Variants in EDA observed in about 807,000 individuals in gnomAD.
EDA encodes the protein ectodysplasin A, also known as ectodysplasin-A.
A neutral mutation model predicts 23.6 loss-of-function variants in EDA; 2 were observed. The ratio of observed to expected loss-of-function variants is 0.08; its 90% CI spans 0.03 to 0.27. The LOEUF (loss-of-function observed/expected upper bound fraction) is 0.27, where lower values mean the gene tolerates loss of function less well. Ranked by LOEUF, EDA falls within the 10% of genes least tolerant of loss-of-function variation. EDA has a pLI of 1.00. For missense variants in EDA, 229 were observed against 324.2 expected, an observed-to-expected ratio of 0.71 and a Z score of 2.26; for synonymous variants, 131 against 132.0, an observed-to-expected ratio of 0.99 and a Z score of 0.05.
At chrX:69,754,637 G>T (rs949652928) in intron 1 of EDA, among the ~76,000 whole-genome samples, 2 of 111,782 alleles carry the variant, frequency 1.8e-5, no homozygotes, top group African/African-American at 6.5e-5. Flanking sequence ...AGTTCTCCTG[G>T]ATAATATCCT....
chrX:69,748,424 G>A (rs1392675254), intron 1 of EDA, among the ~76,000 whole-genome samples: 1 of 111,666 alleles, frequency 9.0e-6, no homozygotes, highest in Non-Finnish European at 1.9e-5. Flanking sequence ...GATAGGCAAA[G>A]GTTTATTACC....
chrX:69,643,085 A>G (rs1932858663), intron 1 of EDA, among the ~76,000 whole-genome samples: 1 of 111,431 alleles, frequency 9.0e-6, no homozygotes, highest in African/African-American at 3.3e-5. Context: ...TATAAGCCCA[A>G]TGAGAGCAAA....
chrX:69,671,076 G>A (rs947180825), intron 1 of EDA, among the ~76,000 whole-genome samples: 7 of 111,522 alleles, frequency 6.3e-5, no homozygotes, highest in Non-Finnish European at 1.3e-4. Flanking sequence ...TTTTGTATGG[G>A]AAGACATTCA....
chrX:69,820,656 T>G (rs947001046), intron 1 of EDA, among the ~76,000 whole-genome samples: 2 of 112,243 alleles, frequency 1.8e-5, no homozygotes, highest in Non-Finnish European at 3.8e-5. Context: ...TCACTGATCA[T>G]TAGAGAAATG....
intron 1 of EDA, among the ~76,000 whole-genome samples, chrX:69,645,012 T>G (rs1461270542): frequency 1.8e-5 from 2 of 111,704 alleles, no homozygotes; most frequent in Non-Finnish European, 3.8e-5. Flanking sequence ...TGTATTTTAT[T>G]GAGGATTTTT....
At chrX:70,009,941 TATTA>T (rs2019853809) in intron 2 of EDA, among the ~76,000 whole-genome samples, 1 of 112,223 alleles carries the variant, frequency 8.9e-6, no homozygotes, top group Non-Finnish European at 1.9e-5. Context: ...ACTATCTTGT[TATTA>T]ATTTTTAGTG....
intron 1 of EDA, among the ~76,000 whole-genome samples, chrX:69,650,611 T>G (rs1933074946): frequency 8.9e-6 from 1 of 112,209 alleles, no homozygotes; most frequent in Non-Finnish European, 1.9e-5. Context: ...GATAAATGTT[T>G]GAGGTGATGA....
Position 69,817,903 on chromosome X carries a change from C to G in EDA, c.397-139124C>G, listed in dbSNP as rs1448279563. On this transcript the variant is annotated intron_variant, in intron 1 of 7. Coordinates refer to ENST00000374552, the MANE Select transcript of EDA (RefSeq NM_001399.5). ...TAGATATCTACAGAACTCTCCACCTCAAAACAACAGAGTATACATTCTTCT... is the reference window on the plus strand; with the variant it reads ...TAGATATCTACAGAACTCTCCACCTGAAAACAACAGAGTATACATTCTTCT... Among the ~76,000 whole-genome samples, 22 of 111,841 alleles carry G rather than the reference C, an allele frequency of 2.0e-4. No individual in the cohort carries two copies. The Admixed American group carries it at 2.1e-3, about 11-fold the overall frequency.
chrX:69,798,898 C>T (rs751021706), intron 1 of EDA, among the ~76,000 whole-genome samples: 2 of 111,209 alleles, frequency 1.8e-5, no homozygotes, highest in African/African-American at 6.5e-5. Context: ...CCAAAGCTAG[C>T]CTGAGCAAAA....
chrX:70,023,942 A>G (rs1358277934), intron 3 of EDA, among the ~76,000 whole-genome samples: 3 of 111,948 alleles, frequency 2.7e-5, no homozygotes, highest in Non-Finnish European at 5.6e-5. Context: ...TGTACTTGCA[A>G]TGAAACTGGC....
intron 1 of EDA, among the ~76,000 whole-genome samples, chrX:69,661,577 C>T (rs1213173839): frequency 1.2e-4 from 13 of 111,007 alleles, no homozygotes; most frequent in East Asian, 5.7e-4. Context: ...CTAGCCAGTT[C>T]TCCCAGCACC....
chrX:69,654,274 G>A lies in EDA; in HGVS notation c.396+37570G>A, dbSNP rs1475356461. Among the ~76,000 whole-genome samples the A allele has an allele frequency of 1.1e-4, 12 of 111,471 alleles. No individual in the cohort carries two copies. The Admixed American group carries it at 1.1e-3, about 11-fold the overall frequency. ...ACCATCTCACACCAGTTAGAGTGGC[G>A]ATCATTAAAAAGTCAGGAAACAACA... is the stretch of plus-strand genomic sequence containing the variant. On this transcript the variant is annotated intron_variant, in intron 1 of 7. Transcript: ENST00000374552.
intron 1 of EDA, among the ~76,000 whole-genome samples, chrX:69,875,666 G>T (rs1034860838): frequency 2.7e-5 from 3 of 111,426 alleles, no homozygotes; most frequent in Non-Finnish European, 5.7e-5. Flanking sequence ...GCTTTTGCAT[G>T]GCAAAAAGAA....
chrX:69,994,014 A>G (rs1454211842), intron 2 of EDA, among the ~76,000 whole-genome samples: 2 of 111,991 alleles, frequency 1.8e-5, no homozygotes, highest in Non-Finnish European at 3.8e-5. Flanking sequence ...CGCTGATGTG[A>G]TATCAGCCCT....
intron 1 of EDA, among the ~76,000 whole-genome samples, chrX:69,637,799 C>G (rs888389888): frequency 9.0e-6 from 1 of 110,956 alleles, no homozygotes; most frequent in African/African-American, 3.3e-5. Context: ...TAAATGTTAA[C>G]TACTACTACT....
At chrX:69,664,043 G>A (rs1239437394) in intron 1 of EDA, among the ~76,000 whole-genome samples, 2 of 112,194 alleles carry the variant, frequency 1.8e-5, no homozygotes, top group East Asian at 5.6e-4. Flanking sequence ...ATGCAAAAGG[G>A]ACTTGCCTTG....
intron 1 of EDA, among the ~76,000 whole-genome samples, chrX:69,812,282 G>A (rs138546359): frequency 0.013 from 1,507 of 111,941 alleles, 7 homozygotes; most frequent in Non-Finnish European, 0.022. Context: ...TCTATTTTTA[G>A]AAGTCCTATG....
intron 1 of EDA, among the ~76,000 whole-genome samples, chrX:69,791,433 A>G (rs1379684306): frequency 9.0e-6 from 1 of 111,157 alleles, no homozygotes; most frequent in African/African-American, 3.3e-5. Flanking sequence ...CAGGTACCCA[A>G]CTATAAGTGA....
intron 1 of EDA, among the ~76,000 whole-genome samples, chrX:69,704,570 G>T (rs993672731): frequency 9.2e-6 from 1 of 109,049 alleles, no homozygotes; most frequent in Non-Finnish European, 1.9e-5. Flanking sequence ...GGTTAACTTC[G>T]GAATGCCCTT....
Sources: gnomAD v4.1 joint callset for allele counts (sites outside exome capture counted in the v4.1 genomes callset) on GRCh38, gnomAD v4.1.1 for gene constraint, MANE v1.5 for transcripts, NCBI Gene and HGNC (gene_info 2026-07-23, HGNC 2026-07-21) for gene names.